The following NSL1 variants were observed in gnomAD, a reference collection of about 807,000 sequenced individuals.
The protein encoded by NSL1 is NSL1 component of MIS12 kinetochore complex.
In NSL1, 11 loss-of-function variants were observed where a neutral mutation model predicts 25.4. The observed-to-expected ratio is 0.43, with a 90% CI of 0.27 to 0.72. NSL1 has a LOEUF of 0.72. Among genes scored for constraint, NSL1 ranks in the 30% least tolerant of loss-of-function variants. The probability of loss-of-function intolerance (pLI) is 0.19; values close to 1 mark genes in which losing one functional copy is unlikely to be tolerated. For synonymous variants in NSL1, 118 were observed against 120.6 expected, an observed-to-expected ratio of 0.98 and a Z score of 0.14; for missense variants, 330 against 342.7, an observed-to-expected ratio of 0.96 and a Z score of 0.29.
chr1:212,730,256 A>G lies in NSL1; in HGVS notation c.*8152T>C, dbSNP rs929806646. On this transcript the variant is annotated 3_prime_UTR_variant, in exon 6 of 6. Transcript: ENST00000366977. The stretch of plus-strand genomic sequence containing the variant: ...CAGTCTCAAAAAAAAAAAAAAAAAA[A>G]AAAAAAAAAGAAATGCGCCAAGTCT... 2 of 983,264 alleles carry G rather than the reference A, an allele frequency of 2.0e-6. No homozygotes were observed. Among genetic ancestry groups the G allele is most frequent in the African/African-American group, 3.5e-5 (2 of 56,976 alleles). The allele number at this position is 983,264 out of a possible 1,614,324, so 60.9% of individuals were successfully genotyped here. A position where few individuals can be genotyped will look rare whatever the true frequency, so the allele number is the denominator to read the frequency against.
At chr1:212,770,447 C>A (rs1660049737) in intron 4 of NSL1, among the ~76,000 whole-genome samples, 1 of 151,956 alleles carries the variant, frequency 6.6e-6, no homozygotes, top group Non-Finnish European at 1.5e-5. Flanking sequence ...TGGACATATA[C>A]AACCTACGTT....
chr1:212,740,158 G>A (rs999624341), intron 4 of NSL1, among the ~76,000 whole-genome samples: 3 of 152,060 alleles, frequency 2.0e-5, no homozygotes, highest in East Asian at 1.9e-4. Flanking sequence ...AACTGAAAAT[G>A]AGAAAAAATT....
At position 212,730,632 on chromosome 1, in the gene NSL1, G is replaced by A. The variant is rs1471005887; in HGVS notation, c.*7776C>T. 2 of 985,280 alleles carry A rather than the reference G, an allele frequency of 2.0e-6. No homozygotes were observed. The highest frequency in any genetic ancestry group is 2.4e-6 in the Non-Finnish European group (2 of 829,932). 61.0% of individuals were successfully genotyped at this position (985,280 alleles called of 1,614,324 possible). On this transcript the variant is annotated 3_prime_UTR_variant, in exon 6 of 6. Coordinates refer to ENST00000366977, the MANE Select transcript of NSL1 (RefSeq NM_015471.4). Reference sequence around the variant, plus strand: ...GTCAGGGGATGTGACCAAAGGAAAAGGTGATCAGAAGGCAACTATACCTGC... The same window carrying A: ...GTCAGGGGATGTGACCAAAGGAAAAAGTGATCAGAAGGCAACTATACCTGC...
At position 212,733,669 on chromosome 1, in the gene NSL1, TTTC is replaced by T. The variant is rs1482609011; in HGVS notation, c.*4736_*4738del. 2.6e-5 allele frequency among the ~76,000 whole-genome samples: 4 copies of T among 152,252 alleles called. No individual in the cohort carries two copies. The highest frequency in any genetic ancestry group is 2.1e-4 in the South Asian group (1 of 4,836). On this transcript the variant is annotated 3_prime_UTR_variant, in exon 6 of 6. Transcript: ENST00000366977. ...CACTGTGGCATTTACCAGTACCTCATTTCTTCTTATTGCCAAATAATATTCTAT... is the reference window on the plus strand; with the variant it reads ...CACTGTGGCATTTACCAGTACCTCATTTCTTATTGCCAAATAATATTCTAT...
rs1222888009 is a variant in NSL1 at position 212,732,065 on chromosome 1, G to A, written c.*6343C>T. Reference sequence around the variant, plus strand: ...TTTTTTTACTGAATTCAGATTCAGGGTTTTTATTATTATGGCTATATAAAT... The same window carrying A: ...TTTTTTTACTGAATTCAGATTCAGGATTTTTATTATTATGGCTATATAAAT... On this transcript the variant is annotated 3_prime_UTR_variant, in exon 6 of 6. Transcript: ENST00000366977. 6.3e-6 allele frequency: 6 copies of A among 948,840 alleles called. No homozygotes were observed. Among genetic ancestry groups the A allele is most frequent in the Non-Finnish European group, 6.2e-6 (5 of 808,018 alleles). The allele number at this position is 948,840 out of a possible 1,614,324, so 58.8% of individuals were successfully genotyped here. A position where few individuals can be genotyped will look rare whatever the true frequency, so the allele number is the denominator to read the frequency against.
In NSL1 at chr1:212,737,650, G is replaced by A. The variant is rs1658287094; in HGVS notation, c.*758C>T. Reference sequence around the variant, plus strand: ...ATTAATCTGATATATATTTTGAACTGGAATGATTTGTAAAGAAATAAATAA... The same window carrying A: ...ATTAATCTGATATATATTTTGAACTAGAATGATTTGTAAAGAAATAAATAA... On this transcript the variant is annotated 3_prime_UTR_variant, in exon 6 of 6. Coordinates refer to ENST00000366977, the MANE Select transcript of NSL1 (RefSeq NM_015471.4). The A allele has an allele frequency of 1.1e-6, 1 of 949,170 alleles. No homozygotes were observed. The highest frequency in any genetic ancestry group is 1.3e-6 in the Non-Finnish European group (1 of 797,058). 58.8% of individuals were successfully genotyped at this position (949,170 alleles called of 1,614,324 possible).
In NSL1 at chr1:212,738,308, T is replaced by C. The variant is rs1658324451; in HGVS notation, c.*100A>G. The C allele has an allele frequency of 6.7e-7, 1 of 1,503,698 alleles. No homozygotes were observed. The highest frequency in any genetic ancestry group is 8.8e-7 in the Non-Finnish European group (1 of 1,131,596). The allele number at this position is 1,503,698 out of a possible 1,614,324, so 93.1% of individuals were successfully genotyped here. A position where few individuals can be genotyped will look rare whatever the true frequency, so the allele number is the denominator to read the frequency against. On this transcript the variant is annotated 3_prime_UTR_variant, in exon 6 of 6. Coordinates refer to ENST00000366977, the MANE Select transcript of NSL1 (RefSeq NM_015471.4). ...ATAAATGAATCACTAGTAAAAGAGTTATTTCTTATTTCAAATGAAGTCTTA... is the reference window on the plus strand; with the variant it reads ...ATAAATGAATCACTAGTAAAAGAGTCATTTCTTATTTCAAATGAAGTCTTA...
At chr1:212,775,994 A>G (rs1055951328) in intron 4 of NSL1, among the ~76,000 whole-genome samples, 3 of 151,676 alleles carry the variant, frequency 2.0e-5, no homozygotes, top group Non-Finnish European at 4.4e-5. Context: ...CGCCCGGCTA[A>G]TTTTTCGTAT....
chr1:212,773,284 C>T (rs1660209356), intron 4 of NSL1, among the ~76,000 whole-genome samples: 1 of 152,058 alleles, frequency 6.6e-6, no homozygotes, highest in African/African-American at 2.4e-5. Context: ...AACTATTCAT[C>T]CAATGGGGGA....
chr1:212,727,674 A>G lies in NSL1; in HGVS notation c.*10734T>C. 1 of 985,384 alleles carries G rather than the reference A, an allele frequency of 1.0e-6. No homozygotes were observed. Among genetic ancestry groups the G allele is most frequent in the Non-Finnish European group, 1.2e-6 (1 of 829,864 alleles). 61.0% of individuals were successfully genotyped at this position (985,384 alleles called of 1,614,324 possible). A position where few individuals can be genotyped will look rare whatever the true frequency, so the allele number is the denominator to read the frequency against. On this transcript the variant is annotated 3_prime_UTR_variant, in exon 6 of 6. Coordinates refer to ENST00000366977, the MANE Select transcript of NSL1 (RefSeq NM_015471.4). The stretch of plus-strand genomic sequence containing the variant: ...ATAATTATAATCCTGAACAATCAGG[A>G]CTGTTAGCTTCCCACGATGAAAGAA...
intron 4 of NSL1, among the ~76,000 whole-genome samples, chr1:212,772,879 G>A (rs1660191920): frequency 6.6e-6 from 1 of 152,084 alleles, no homozygotes; most frequent in Admixed American, 6.6e-5. Flanking sequence ...CAGAACAGAT[G>A]CATGGAAATC....
chr1:212,734,671 A>G lies in NSL1; in HGVS notation c.*3737T>C, dbSNP rs897908404. On this transcript the variant is annotated 3_prime_UTR_variant, in exon 6 of 6. Transcript: ENST00000366977. ...TTTTATTCAATATAGTATCTTTGAT[A>G]TTGATCCACATTGTTATAACAGTAA... Among the ~76,000 whole-genome samples the G allele has an allele frequency of 3.3e-5, 5 of 152,192 alleles. No individual in the cohort carries two copies. The highest frequency in any genetic ancestry group is 7.3e-5 in the Non-Finnish European group (5 of 68,040).
chr1:212,785,059 G>A (rs1660886970), intron 2 of NSL1, among the ~76,000 whole-genome samples: 1 of 152,126 alleles, frequency 6.6e-6, no homozygotes, highest in South Asian at 2.1e-4. Context: ...AGAAATGGAT[G>A]ATAAAATATA....
At chr1:212,778,797 T>C (rs1216239846) in intron 4 of NSL1, among the ~76,000 whole-genome samples, 7 of 152,092 alleles carry the variant, frequency 4.6e-5, no homozygotes, top group Admixed American at 1.3e-4. Flanking sequence ...AGTGCCGAGA[T>C]TGCAGCCTCT....
chr1:212,779,277 A>AG (rs1483515835), intron 4 of NSL1, among the ~76,000 whole-genome samples: 1 of 139,912 alleles, frequency 7.1e-6, no homozygotes, highest in East Asian at 2.2e-4. Flanking sequence ...CCCGTCTCGG[A>AG]GGGAGGTGGG....
chr1:212,790,981 A>C (rs567374388), intron 1 of NSL1, among the ~76,000 whole-genome samples: 1 of 152,264 alleles, frequency 6.6e-6, no homozygotes, highest in South Asian at 2.1e-4. Context: ...GGAAAGATCA[A>C]ATGCTGCTTG....
At position 212,735,497 on chromosome 1, in the gene NSL1, C is replaced by A; in HGVS notation, c.*2911G>T. ...TTATTCACTTTGTCCTCTACGGAGC[C>A]CAAGCCATAAAGGGCCAGGGAAAGA... On this transcript the variant is annotated 3_prime_UTR_variant, in exon 6 of 6. Transcript: ENST00000366977. The A allele has an allele frequency of 3.0e-6, 3 of 985,322 alleles. No individual in the cohort carries two copies. The highest frequency in any genetic ancestry group is 3.6e-6 in the Non-Finnish European group (3 of 829,916). The allele number at this position is 985,322 out of a possible 1,614,324, so 61.0% of individuals were successfully genotyped here. A position where few individuals can be genotyped will look rare whatever the true frequency, so the allele number is the denominator to read the frequency against.
chr1:212,729,809 A>C lies in NSL1; in HGVS notation c.*8599T>G. ...AAAAGAACAGCTAGAACATGGAAAA[A>C]GCAATGTAATCAGCTGGTGCTGCAA... On this transcript the variant is annotated 3_prime_UTR_variant, in exon 6 of 6. Coordinates refer to ENST00000366977, the MANE Select transcript of NSL1 (RefSeq NM_015471.4). 1.0e-6 allele frequency: 1 copy of C among 985,402 alleles called. No individual in the cohort carries two copies. The highest frequency in any genetic ancestry group is 1.2e-6 in the Non-Finnish European group (1 of 829,924). The allele number at this position is 985,402 out of a possible 1,614,324, so 61.0% of individuals were successfully genotyped here. A position where few individuals can be genotyped will look rare whatever the true frequency, so the allele number is the denominator to read the frequency against.
intron 4 of NSL1, among the ~76,000 whole-genome samples, chr1:212,771,683 A>T (rs79541841): frequency 0.022 from 3,314 of 152,008 alleles, 108 homozygotes; most frequent in African/African-American, 0.073. Flanking sequence ...CAAAACAAAC[A>T]CAAAAATCAG....
Sources: gnomAD v4.1 joint callset for allele counts (sites outside exome capture counted in the v4.1 genomes callset) on GRCh38, gnomAD v4.1.1 for gene constraint, MANE v1.5 for transcripts, NCBI Gene and HGNC (gene_info 2026-07-23, HGNC 2026-07-21) for gene names.